The following ZNF827 variants were observed in gnomAD, a reference collection of about 807,000 sequenced individuals.
ZNF827 encodes the protein zinc finger protein 827.
Under a neutral mutation model 102.4 loss-of-function variants are expected in ZNF827, and 13 were observed. The observed-to-expected ratio is 0.13, with a 90% CI of 0.08 to 0.20. The LOEUF (loss-of-function observed/expected upper bound fraction) is 0.20. ZNF827 is among the 10% of genes least tolerant of loss of function. The pLI is 1.00. For missense variants in ZNF827, 1,103 were observed against 1,344.4 expected, an observed-to-expected ratio of 0.82 and a Z score of 2.81; for synonymous variants, 523 against 536.2, an observed-to-expected ratio of 0.98 and a Z score of 0.34.
At chr4:145,917,717 AAAAAAAAAAG>A (rs1236961270) in intron 1 of ZNF827, among the ~76,000 whole-genome samples, 11 of 147,512 alleles carry the variant, frequency 7.5e-5, no homozygotes, top group East Asian at 5.8e-4. Flanking sequence ...AAAAAAAAAA[AAAAAAAAAAG>A]AAAAGAAAAA....
intron 8 of ZNF827, among the ~76,000 whole-genome samples, chr4:145,807,694 A>T (rs370569716): frequency 1.4e-4 from 21 of 146,174 alleles, no homozygotes; most frequent in Admixed American, 4.1e-4. Context: ...CTGGTCTTGA[A>T]CTCCTGACCT....
chr4:145,883,013 G>C (rs1447121967), intron 4 of ZNF827, among the ~76,000 whole-genome samples: 2 of 151,098 alleles, frequency 1.3e-5, no homozygotes, highest in African/African-American at 4.9e-5. Context: ...ATCACAGTGA[G>C]AGCAGCTATC....
chr4:145,779,768 T>A (rs1346194745), intron 8 of ZNF827, among the ~76,000 whole-genome samples: 6 of 152,374 alleles, frequency 3.9e-5, no homozygotes, highest in Non-Finnish European at 8.8e-5. Context: ...ACCAGCCAAC[T>A]AACCCTCTAG....
chr4:145,923,432 C>A (rs1290238984), intron 1 of ZNF827, among the ~76,000 whole-genome samples: 2 of 150,004 alleles, frequency 1.3e-5, no homozygotes, highest in African/African-American at 4.9e-5. Context: ...TGGTGAGAAC[C>A]CATCTCTATT....
intron 8 of ZNF827, among the ~76,000 whole-genome samples, chr4:145,802,447 G>A (rs956982427): frequency 6.6e-6 from 1 of 152,210 alleles, no homozygotes; most frequent in African/African-American, 2.4e-5. Flanking sequence ...TCCACAAGGT[G>A]TTTGGCACAA....
At chr4:145,816,948 C>T (rs1252701545) in intron 8 of ZNF827, among the ~76,000 whole-genome samples, 1 of 152,208 alleles carries the variant, frequency 6.6e-6, no homozygotes, top group Non-Finnish European at 1.5e-5. Flanking sequence ...TTATCACTGT[C>T]ATAGTCTGAA....
At chr4:145,823,916 G>A (rs1743411543) in intron 7 of ZNF827, among the ~76,000 whole-genome samples, 1 of 152,122 alleles carries the variant, frequency 6.6e-6, no homozygotes. Context: ...AATTGCCCTG[G>A]CTCACCCATA....
intron 5 of ZNF827, among the ~76,000 whole-genome samples, chr4:145,862,603 T>C (rs1747838345): frequency 6.6e-6 from 1 of 152,182 alleles, no homozygotes. Flanking sequence ...GGCCCATTGC[T>C]GGTCACATTC....
At chr4:145,861,627 G>C (rs576071918) in intron 5 of ZNF827, among the ~76,000 whole-genome samples, 1 of 152,116 alleles carries the variant, frequency 6.6e-6, no homozygotes, top group Non-Finnish European at 1.5e-5. Context: ...AGGCCTAGGC[G>C]TCATTCTTAA....
chr4:145,805,546 T>C (rs1051590936), intron 8 of ZNF827, among the ~76,000 whole-genome samples: 12 of 152,354 alleles, frequency 7.9e-5, no homozygotes, highest in African/African-American at 2.4e-4. Flanking sequence ...TTTCTTTGCC[T>C]CTTTTATCTT....
chr4:145,775,196 G>A (rs907177826), intron 10 of ZNF827, among the ~76,000 whole-genome samples: 1 of 152,192 alleles, frequency 6.6e-6, no homozygotes, highest in Admixed American at 6.5e-5. Flanking sequence ...CCCACTGCTA[G>A]AGACATTTCC....
rs765932865 is a variant in ZNF827 at position 145,870,319 on chromosome 4, T to C, written c.1907A>G (p.Gln636Arg). The stretch of plus-strand genomic sequence containing the variant: ...CCTTAGCACACTTCCCTTCCCTTCC[T>C]GGGGCTTTAGTGCGTCCTCAGAGAC... ...PGVSEDALKPQEGKGSVLRRD... is the reference protein window; with the variant it reads ...PGVSEDALKPREGKGSVLRRD... Residue 636 changes from glutamine (Q) to arginine (R), a missense_variant, in exon 5 of 15, where the codon CAG (glutamine) becomes CGG (arginine). Around this residue, in one of 5 missense-constraint regions of ZNF827, gnomAD observed 243 missense variants for 251.6 expected, o/e 0.97. Coordinates refer to ENST00000508784, the MANE Select transcript of ZNF827 (RefSeq NM_001306215.2). 1.2e-6 allele frequency: 2 copies of C among 1,614,010 alleles called. No individual in the cohort carries two copies. Among genetic ancestry groups the C allele is most frequent in the African/African-American group, 1.3e-5 (1 of 74,906 alleles).
At position 145,775,962 on chromosome 4, in the gene ZNF827, TGGGGGAG is replaced by T; in HGVS notation, c.2522-9_2522-3del. On this transcript the variant is annotated splice_region_variant and splice_polypyrimidine_tract_variant and intron_variant, in intron 9 of 14. Transcript: ENST00000508784. Reference sequence around the variant, plus strand: ...AGTGGCATTTGTATTTTCTTTCCTCTGGGGGAGAAGGAACAGGAAAAAGCCCAAATCG... The same window carrying T: ...AGTGGCATTTGTATTTTCTTTCCTCTAAGGAACAGGAAAAAGCCCAAATCG... 6.2e-7 allele frequency: 1 copy of T among 1,614,022 alleles called. No individual in the cohort carries two copies. The highest frequency in any genetic ancestry group is 1.6e-4 in the Middle Eastern group (1 of 6,062).
intron 1 of ZNF827, 95 bp downstream of exon 1, chr4:145,938,270 C>G (rs1754381982): frequency 6.8e-7 from 1 of 1,480,872 alleles, no homozygotes. Flanking sequence ...TAACCCTAAA[C>G]TAATGCAGAA....
chr4:145,900,149 T>C (rs1751301377), intron 2 of ZNF827, among the ~76,000 whole-genome samples: 1 of 152,158 alleles, frequency 6.6e-6, no homozygotes, highest in South Asian at 2.1e-4. Flanking sequence ...ATCTGGTCGT[T>C]TGAGTGAAAA....
intron 1 of ZNF827, among the ~76,000 whole-genome samples, chr4:145,936,751 C>A (rs552526327): frequency 6.6e-6 from 1 of 152,158 alleles, no homozygotes; most frequent in African/African-American, 2.4e-5. Flanking sequence ...GCCCGAGACA[C>A]CATAACCTTA....
At chr4:145,879,956 T>A (rs902681343) in intron 4 of ZNF827, among the ~76,000 whole-genome samples, 1 of 152,164 alleles carries the variant, frequency 6.6e-6, no homozygotes, top group African/African-American at 2.4e-5. Context: ...CTCTCATGCC[T>A]GTGATCCCAG....
At chr4:145,807,054 T>C (rs1368881436) in intron 8 of ZNF827, among the ~76,000 whole-genome samples, 1 of 152,244 alleles carries the variant, frequency 6.6e-6, no homozygotes, top group African/African-American at 2.4e-5. Flanking sequence ...TCGTATTTCA[T>C]ACAAGGATTT....
At chr4:145,880,423 C>G (rs538006772) in intron 4 of ZNF827, among the ~76,000 whole-genome samples, 1 of 152,162 alleles carries the variant, frequency 6.6e-6, no homozygotes, top group East Asian at 1.9e-4. Context: ...GAGTAACTAG[C>G]GTAAGAACTC....
Sources: gnomAD v4.1 joint callset for allele counts (sites outside exome capture counted in the v4.1 genomes callset) on GRCh38, gnomAD v4.1.1 for gene constraint, gnomAD v4.1.1 regional missense constraint, MANE v1.5 for transcripts, NCBI Gene and HGNC (gene_info 2026-07-23, HGNC 2026-07-21) for gene names.